Variants in NUDT3 observed in about 807,000 individuals in gnomAD.
NUDT3 encodes nudix hydrolase 3, also known as diphosphoinositol polyphosphate phosphohydrolase 1.
Under a neutral mutation model 23.6 loss-of-function variants are expected in NUDT3, and 9 were observed. That is an observed-to-expected ratio of 0.38 (90% CI 0.23 to 0.66). The LOEUF is 0.66. Among genes scored for constraint, NUDT3 ranks in the 30% least tolerant of loss-of-function variants. NUDT3 has a pLI of 0.52. For missense variants in NUDT3, 172 were observed against 218.5 expected, an observed-to-expected ratio of 0.79 and a Z score of 1.34; for synonymous variants, 86 against 82.6, an observed-to-expected ratio of 1.04 and a Z score of -0.22.
At chr6:34,346,973 T>G (rs973163737) in intron 1 of NUDT3, among the ~76,000 whole-genome samples, 19 of 152,290 alleles carry the variant, frequency 1.2e-4, no homozygotes, top group Middle Eastern at 3.4e-3. Flanking sequence ...CTCACTATGT[T>G]GGCCAGGTTG....
chr6:34,376,813 C>T (rs984032222), intron 1 of NUDT3, among the ~76,000 whole-genome samples: 2 of 152,012 alleles, frequency 1.3e-5, no homozygotes, highest in Non-Finnish European at 2.9e-5. Context: ...AGGATCAAAC[C>T]CAAACTCCTC....
chr6:34,390,478 T>C (rs1338197522), intron 1 of NUDT3, among the ~76,000 whole-genome samples: 2 of 152,068 alleles, frequency 1.3e-5, no homozygotes, highest in African/African-American at 4.8e-5. Flanking sequence ...TTGCTTATGA[T>C]CTATAGTTTT....
At chr6:34,356,723 A>AT (rs1764566447) in intron 1 of NUDT3, among the ~76,000 whole-genome samples, 1 of 152,082 alleles carries the variant, frequency 6.6e-6, no homozygotes, top group East Asian at 1.9e-4. Flanking sequence ...AAAATCAATC[A>AT]TTTATTTTGT....
At chr6:34,338,852 C>A (rs1764248459) in intron 2 of NUDT3, among the ~76,000 whole-genome samples, 1 of 152,218 alleles carries the variant, frequency 6.6e-6, no homozygotes. Context: ...CACAGGGAAT[C>A]TGGTTGGGTC....
chr6:34,298,022 A>G (rs1763542001), intron 2 of NUDT3, among the ~76,000 whole-genome samples: 1 of 151,930 alleles, frequency 6.6e-6, no homozygotes, highest in South Asian at 2.1e-4. Context: ...CCAAACTTTT[A>G]GGGCACAAAT....
chr6:34,341,009 T>C (rs1422245030), intron 2 of NUDT3, among the ~76,000 whole-genome samples: 1 of 152,186 alleles, frequency 6.6e-6, no homozygotes, highest in Non-Finnish European at 1.5e-5. Context: ...AAGTGCTTTT[T>C]TATATGTTCT....
chr6:34,390,972 T>C (rs770273508), intron 1 of NUDT3, among the ~76,000 whole-genome samples: 13 of 152,212 alleles, frequency 8.5e-5, no homozygotes, highest in African/African-American at 2.4e-4. Context: ...TTGGGGACTT[T>C]TACAATATAT....
chr6:34,347,157 G>T (rs890385485), intron 1 of NUDT3, among the ~76,000 whole-genome samples: 2 of 152,110 alleles, frequency 1.3e-5, no homozygotes, highest in African/African-American at 2.4e-5. Flanking sequence ...TTCTTATTCT[G>T]AAGTTTGATT....
chr6:34,309,159 T>C (rs966149503), intron 2 of NUDT3, among the ~76,000 whole-genome samples: 5 of 151,964 alleles, frequency 3.3e-5, no homozygotes, highest in Admixed American at 1.3e-4. Flanking sequence ...GATGGGAGGA[T>C]CACTTGAGCT....
chr6:34,304,219 C>A (rs1391219846), intron 2 of NUDT3, among the ~76,000 whole-genome samples: 3 of 149,686 alleles, frequency 2.0e-5, no homozygotes, highest in African/African-American at 7.4e-5. Context: ...CCACTGTACT[C>A]CAGCCTGGGT....
rs900779826 is a variant in NUDT3, at chr6:34,280,704, G to A, written c.*8049C>T. 1 of 152,240 alleles carries A rather than the reference G, an allele frequency of 6.6e-6. No homozygotes were observed. Among genetic ancestry groups the A allele is most frequent in the Admixed American group, 6.5e-5 (1 of 15,292 alleles). 9.4% of individuals were successfully genotyped at this position (152,240 alleles called of 1,614,324 possible). ...AACCCAAGAGATTAGGTGACCTAAT[G>A]ATGAGAAGGCTAACTTATTTGCTTT... On this transcript the variant is annotated 3_prime_UTR_variant, in exon 5 of 5. Transcript: ENST00000607016.
Position 34,288,459 on chromosome 6 carries a change from G to C in NUDT3, c.*294C>G. 1 of 276,764 alleles carries C rather than the reference G, an allele frequency of 3.6e-6. No homozygotes were observed. The highest frequency in any genetic ancestry group is 1.1e-4 in the South Asian group (1 of 8,844). 17.1% of individuals were successfully genotyped at this position (276,764 alleles called of 1,614,324 possible). ...GAACACTTCAGAATCCAAGGCAGGG[G>C]AAGGCTGTTGGCCTCTCTTCAGAGG... On this transcript the variant is annotated 3_prime_UTR_variant, in exon 5 of 5. Coordinates refer to ENST00000607016, the MANE Select transcript of NUDT3 (RefSeq NM_006703.4).
At chr6:34,392,160 G>C (rs1053750715) in intron 1 of NUDT3, 104 bp downstream of exon 1, 17 of 758,514 alleles carry the variant, frequency 2.2e-5, no homozygotes, top group Non-Finnish European at 3.2e-5. Context: ...CCGCCCGAGC[G>C]GGGCGGCCCT....
intron 1 of NUDT3, among the ~76,000 whole-genome samples, chr6:34,380,056 A>G (rs1351128696): frequency 6.6e-6 from 1 of 151,768 alleles, no homozygotes; most frequent in South Asian, 2.1e-4. Flanking sequence ...TCTTTTATGC[A>G]GTAAAGTACT....
At position 34,330,827 on chromosome 6, in the gene NUDT3, A is replaced by C. The variant is rs185299071; in HGVS notation, c.210+11035T>G. Among the ~76,000 whole-genome samples the C allele has an allele frequency of 5.9e-5, 9 of 152,312 alleles. No homozygotes were observed. The East Asian group carries it at 1.7e-3, about 29-fold the overall frequency. Reference sequence around the variant, plus strand: ...AAAAAGAAAAAAAGAAAAAGAAAAGAAAATACAAATGGAATCAAGAGGAGT... The same window carrying C: ...AAAAAGAAAAAAAGAAAAAGAAAAGCAAATACAAATGGAATCAAGAGGAGT... On this transcript the variant is annotated intron_variant, in intron 2 of 4. Coordinates refer to ENST00000607016, the MANE Select transcript of NUDT3 (RefSeq NM_006703.4).
At chr6:34,323,224 A>G (rs185914000) in intron 2 of NUDT3, among the ~76,000 whole-genome samples, 192 of 151,144 alleles carry the variant, frequency 1.3e-3, no homozygotes, top group African/African-American at 4.5e-3. Context: ...GTATCCCCCA[A>G]ATCTAAATTT....
At chr6:34,306,020 T>C (rs1763674102) in intron 2 of NUDT3, among the ~76,000 whole-genome samples, 1 of 152,238 alleles carries the variant, frequency 6.6e-6, no homozygotes, top group Non-Finnish European at 1.5e-5. Context: ...TCTCTCAACA[T>C]ATCTATGTGC....
chr6:34,308,119 CAAAAAAAA>C (rs533055608), intron 2 of NUDT3, among the ~76,000 whole-genome samples: 1 of 60,138 alleles, frequency 1.7e-5, no homozygotes, highest in Non-Finnish European at 3.4e-5. Context: ...AACTCTGTCT[CAAAAAAAA>C]AAAAAAAAAA....
intron 1 of NUDT3, among the ~76,000 whole-genome samples, chr6:34,389,226 C>G (rs1047327936): frequency 6.6e-6 from 1 of 152,302 alleles, no homozygotes; most frequent in Admixed American, 6.5e-5. Context: ...TGGGGAGTTT[C>G]CCCCATGCGG....
Sources: gnomAD v4.1 joint callset for allele counts (sites outside exome capture counted in the v4.1 genomes callset) on GRCh38, gnomAD v4.1.1 for gene constraint, MANE v1.5 for transcripts, NCBI Gene and HGNC (gene_info 2026-07-23, HGNC 2026-07-21) for gene names.